Variants in EVI5 observed in about 807,000 individuals in gnomAD.
The protein encoded by EVI5 is ecotropic viral integration site 5 protein homolog.
EVI5 carries 73 observed loss-of-function variants against 112.0 expected under a neutral mutation model. That is an observed-to-expected ratio of 0.65 (90% CI 0.54 to 0.79). EVI5 has a LOEUF of 0.79. EVI5 is among the 30% of genes least tolerant of loss of function. The probability of loss-of-function intolerance (pLI) is 0.00; values close to 1 mark genes in which losing one functional copy is unlikely to be tolerated. For synonymous variants in EVI5, 305 were observed against 319.9 expected (o/e 0.95, Z 0.50); for missense variants, 900 against 968.8 (o/e 0.93, Z 0.94).
intron 10 of EVI5, among the ~76,000 whole-genome samples, chr1:92,669,197 T>C (rs1219763065): frequency 1.3e-5 from 2 of 152,218 alleles, no homozygotes. Flanking sequence ...TGTCTATTTT[T>C]AGAATTATTC....
intron 18 of EVI5, among the ~76,000 whole-genome samples, chr1:92,583,748 T>A (rs1355880416): frequency 1.3e-5 from 2 of 150,686 alleles, no homozygotes; most frequent in Non-Finnish European, 3.0e-5. Context: ...TTTTTTTTTT[T>A]ACATTCTTTC....
intron 19 of EVI5, among the ~76,000 whole-genome samples, chr1:92,521,894 G>C (rs1291884249): frequency 6.6e-6 from 1 of 151,962 alleles, no homozygotes; most frequent in African/African-American, 2.4e-5. Context: ...TCAACTAAAG[G>C]CACCTTAGAA....
intron 13 of EVI5, among the ~76,000 whole-genome samples, chr1:92,656,196 C>A (rs945532951): frequency 2.0e-5 from 3 of 152,122 alleles, no homozygotes; most frequent in African/African-American, 7.2e-5. Flanking sequence ...CATATCAAGT[C>A]TCTTCTTGGA....
chr1:92,769,558 G>A (rs150214867), intron 1 of EVI5, among the ~76,000 whole-genome samples: 257 of 152,188 alleles, frequency 1.7e-3, no homozygotes, highest in Middle Eastern at 3.4e-3. Context: ...ATCTTATACG[G>A]CAGAGGGTGC....
At chr1:92,526,519 T>C (rs1379170105) in intron 19 of EVI5, among the ~76,000 whole-genome samples, 2 of 152,200 alleles carry the variant, frequency 1.3e-5, no homozygotes, top group Non-Finnish European at 2.9e-5. Context: ...AGTTTAATAT[T>C]AGTGTATGAG....
intron 2 of EVI5, among the ~76,000 whole-genome samples, chr1:92,727,523 G>A (rs189079405): frequency 1.7e-4 from 26 of 152,088 alleles, no homozygotes; most frequent in African/African-American, 4.6e-4. Flanking sequence ...GATAGATGCC[G>A]GCTGCGGTCA....
intron 18 of EVI5, among the ~76,000 whole-genome samples, chr1:92,570,416 T>C (rs967855291): frequency 6.6e-6 from 1 of 152,142 alleles, no homozygotes; most frequent in African/African-American, 2.4e-5. Flanking sequence ...AAGAAACCCG[T>C]CTGGATGAGA....
chr1:92,717,708 T>C (rs1387825755), intron 2 of EVI5, among the ~76,000 whole-genome samples: 5 of 152,098 alleles, frequency 3.3e-5, no homozygotes, highest in Non-Finnish European at 7.4e-5. Context: ...TAACCTTAAA[T>C]GTAAATGGGC....
intron 13 of EVI5, among the ~76,000 whole-genome samples, chr1:92,650,764 T>C (rs181753447): frequency 0.01 from 1,548 of 152,256 alleles, 34 homozygotes; most frequent in African/African-American, 0.035. Flanking sequence ...TACCTAATTA[T>C]ATATTTTTCT....
chr1:92,564,604 T>C (rs1268515310), intron 18 of EVI5, among the ~76,000 whole-genome samples: 3 of 152,132 alleles, frequency 2.0e-5, no homozygotes, highest in Non-Finnish European at 4.4e-5. Flanking sequence ...GACTATTTTC[T>C]AGGGATATAG....
intron 2 of EVI5, among the ~76,000 whole-genome samples, chr1:92,729,294 C>T (rs1430213805): frequency 6.6e-6 from 1 of 152,130 alleles, no homozygotes; most frequent in South Asian, 2.1e-4. Flanking sequence ...AACAGAAATA[C>T]GTTTCAGTTG....
chr1:92,588,114 A>C (rs1673108140), intron 18 of EVI5, among the ~76,000 whole-genome samples: 1 of 152,232 alleles, frequency 6.6e-6, no homozygotes, highest in East Asian at 1.9e-4. Flanking sequence ...TCCAGTAATA[A>C]GAGGAAACTT....
chr1:92,594,068 TA>T (rs1462139708), intron 18 of EVI5, among the ~76,000 whole-genome samples: 5 of 151,996 alleles, frequency 3.3e-5, no homozygotes, highest in African/African-American at 1.2e-4. Flanking sequence ...TGGAAAAAAC[TA>T]AAGTTCATAT....
intron 2 of EVI5, among the ~76,000 whole-genome samples, chr1:92,718,900 A>G (rs1674255853): frequency 6.6e-6 from 1 of 152,230 alleles, no homozygotes; most frequent in Non-Finnish European, 1.5e-5. Context: ...AACTACCGTC[A>G]GAGAATATAA....
At chr1:92,547,350 T>G (rs1355235978) in intron 19 of EVI5, among the ~76,000 whole-genome samples, 1 of 152,190 alleles carries the variant, frequency 6.6e-6, no homozygotes, top group Non-Finnish European at 1.5e-5. Flanking sequence ...TTTAAAGCAG[T>G]GTGTAGAGGG....
intron 13 of EVI5, among the ~76,000 whole-genome samples, chr1:92,654,364 C>T (rs1156440463): frequency 6.6e-6 from 1 of 152,088 alleles, no homozygotes; most frequent in African/African-American, 2.4e-5. Flanking sequence ...CCCAGCCCTG[C>T]AGGAAGCTGT....
chr1:92,732,803 G>A (rs1676694857), intron 2 of EVI5, among the ~76,000 whole-genome samples: 1 of 151,210 alleles, frequency 6.6e-6, no homozygotes, highest in Admixed American at 6.6e-5. Context: ...GGGAGGCTGA[G>A]GGAGAAGAAT....
intron 19 of EVI5, among the ~76,000 whole-genome samples, chr1:92,527,993 A>G (rs926614441): frequency 1.3e-5 from 2 of 152,184 alleles, no homozygotes; most frequent in Non-Finnish European, 2.9e-5. Flanking sequence ...TCTGCGTAAT[A>G]AAGAAGATTT....
At chr1:92,725,217 A>G (rs1570605306) in intron 2 of EVI5, among the ~76,000 whole-genome samples, 1 of 152,332 alleles carries the variant, frequency 6.6e-6, no homozygotes, top group South Asian at 2.1e-4. Flanking sequence ...CAACCACCAG[A>G]AAAGATTAGA....
Sources: gnomAD v4.1 joint callset for allele counts (sites outside exome capture counted in the v4.1 genomes callset) on GRCh38, gnomAD v4.1.1 for gene constraint, MANE v1.5 for transcripts, NCBI Gene and HGNC (gene_info 2026-07-23, HGNC 2026-07-21) for gene names.